UGT8: variants seen among roughly 807,000 people sequenced by gnomAD.
UGT8 encodes 2-hydroxyacylsphingosine 1-beta-galactosyltransferase.
A neutral mutation model predicts 40.5 loss-of-function variants in UGT8; 12 were observed. The observed-to-expected ratio is 0.30, with a 90% confidence interval of 0.19 to 0.48. The LOEUF (loss-of-function observed/expected upper bound fraction) is 0.48. Ranked by LOEUF, UGT8 falls within the 20% of genes least tolerant of loss-of-function variation. The pLI, the probability that UGT8 is intolerant of heterozygous loss-of-function variation, is 0.99. For missense variants in UGT8, 513 were observed against 648.7 expected (o/e 0.79, Z 2.27); for synonymous variants, 224 against 240.4 (o/e 0.93, Z 0.63).
intron 2 of UGT8, among the ~76,000 whole-genome samples, chr4:114,640,024 T>G (rs551539464): frequency 1.0e-5 from 1 of 96,600 alleles, no homozygotes; most frequent in South Asian, 4.9e-4. Context: ...TGTAAAAATA[T>G]GTTTGTTTGT....
chr4:114,670,715 A>G (rs1735210849), intron 5 of UGT8, among the ~76,000 whole-genome samples: 1 of 152,172 alleles, frequency 6.6e-6, no homozygotes, highest in African/African-American at 2.4e-5. Flanking sequence ...ATCATACTGA[A>G]TGGGCAAAGG....
Position 114,646,039 on chromosome 4 carries a change from TAAG to T in UGT8, c.823-17952_823-17950del, listed in dbSNP as rs545742258. 5.9e-5 allele frequency among the ~76,000 whole-genome samples: 9 copies of T among 152,268 alleles called. No individual in the cohort carries two copies. In the South Asian group the frequency reaches 1.2e-3, roughly 21 times the overall value. On this transcript the variant is annotated intron_variant, in intron 2 of 5. Coordinates refer to ENST00000310836, the MANE Select transcript of UGT8 (RefSeq NM_001128174.3). ...TTTCCATATTATGTAGTATATGTAA[TAAG>T]AAGTATTGCAGAGTATCTATTTATT...
At chr4:114,612,734 T>G (rs774816909) in intron 1 of UGT8, among the ~76,000 whole-genome samples, 5 of 152,166 alleles carry the variant, frequency 3.3e-5, no homozygotes, top group Non-Finnish European at 7.4e-5. Flanking sequence ...CAAGCACCAG[T>G]AGTCCCATAT....
chr4:114,622,017 A>G (rs1011995168), intron 1 of UGT8, among the ~76,000 whole-genome samples: 1 of 152,084 alleles, frequency 6.6e-6, no homozygotes, highest in East Asian at 1.9e-4. Flanking sequence ...GGTTAGTTAC[A>G]TATGTATACA....
chr4:114,650,546 T>C (rs1207324137), intron 2 of UGT8, among the ~76,000 whole-genome samples: 1 of 152,202 alleles, frequency 6.6e-6, no homozygotes, highest in African/African-American at 2.4e-5. Flanking sequence ...TTGTCAATTT[T>C]TATTTAAAGT....
chr4:114,625,376 T>C (rs1382674041), intron 2 of UGT8, among the ~76,000 whole-genome samples: 1 of 151,736 alleles, frequency 6.6e-6, no homozygotes, highest in Non-Finnish European at 1.5e-5. Context: ...CTGGGTATGG[T>C]GATGCATGTC....
At chr4:114,598,798 T>G (rs1438357521), upstream of UGT8, 2 of 152,122 alleles carry the variant, frequency 1.3e-5, no homozygotes, top group Non-Finnish European at 2.9e-5. Context: ...TGCTATCAAC[T>G]GTGAACCCAG....
chr4:114,622,157 A>G (rs1452392394), intron 1 of UGT8, among the ~76,000 whole-genome samples: 1 of 128,938 alleles, frequency 7.8e-6, no homozygotes, highest in East Asian at 2.4e-4. Context: ...TCCTGTGTCC[A>G]TGTGTTCCCA....
intron 2 of UGT8, among the ~76,000 whole-genome samples, chr4:114,649,303 A>T (rs1466885118): frequency 6.6e-6 from 1 of 152,166 alleles, no homozygotes; most frequent in African/African-American, 2.4e-5. Context: ...GCCTAGCCAT[A>T]TTTACAGTCA....
At chr4:114,618,031 A>G (rs1731548388) in intron 1 of UGT8, among the ~76,000 whole-genome samples, 1 of 152,182 alleles carries the variant, frequency 6.6e-6, no homozygotes, top group African/African-American at 2.4e-5. Context: ...TATCATTATA[A>G]TCACTTTATA....
intron 2 of UGT8, among the ~76,000 whole-genome samples, chr4:114,628,733 A>G (rs1732395979): frequency 7.4e-6 from 1 of 134,976 alleles, no homozygotes; most frequent in Non-Finnish European, 1.6e-5. Context: ...TTAAGGAAGC[A>G]TAGTCTTGGG....
At chr4:114,674,801 G>A (rs1419542186) in intron 5 of UGT8, among the ~76,000 whole-genome samples, 4 of 152,122 alleles carry the variant, frequency 2.6e-5, no homozygotes, top group Admixed American at 6.5e-5. Flanking sequence ...TATCCTCCAT[G>A]ATAGATTTTG....
intron 2 of UGT8, among the ~76,000 whole-genome samples, chr4:114,649,141 C>T (rs925814168): frequency 2.6e-5 from 4 of 152,106 alleles, no homozygotes; most frequent in Non-Finnish European, 5.9e-5. Context: ...CCCTAGGGTA[C>T]TAGAGGTTGC....
intron 2 of UGT8, among the ~76,000 whole-genome samples, chr4:114,630,787 G>T (rs938154970): frequency 6.6e-6 from 1 of 152,176 alleles, no homozygotes; most frequent in Non-Finnish European, 1.5e-5. Context: ...GTAGAAAGAA[G>T]AATTAAGGGA....
At chr4:114,670,123 T>C (rs1413747019) in intron 5 of UGT8, among the ~76,000 whole-genome samples, 1 of 152,020 alleles carries the variant, frequency 6.6e-6, no homozygotes, top group Non-Finnish European at 1.5e-5. Flanking sequence ...AAAAGAAAAC[T>C]TCAGGCCAAT....
In UGT8 at chr4:114,676,552, G is replaced by C. The variant is rs1735658772; in HGVS notation, c.*264G>C. 15 of 337,764 alleles carry C rather than the reference G, an allele frequency of 4.4e-5. No individual in the cohort carries two copies. In the South Asian group the frequency reaches 7.5e-4, roughly 17 times the overall value. 20.9% of individuals were successfully genotyped at this position (337,764 alleles called of 1,614,324 possible). On this transcript the variant is annotated 3_prime_UTR_variant, in exon 6 of 6. Transcript: ENST00000310836. ...CCTTAATTATTTAAATCAATTCAGT[G>C]ACTGTGTCAGACCTTAGTTTTAAAT...
chr4:114,616,203 G>A (rs1731417961), intron 1 of UGT8, among the ~76,000 whole-genome samples: 1 of 152,208 alleles, frequency 6.6e-6, no homozygotes, highest in East Asian at 1.9e-4. Context: ...CAGAGGTGGA[G>A]TCTACAGAGG....
intron 1 of UGT8, among the ~76,000 whole-genome samples, chr4:114,612,483 G>A (rs1032964190): frequency 2.6e-4 from 39 of 152,092 alleles, no homozygotes; most frequent in East Asian, 9.6e-4. Context: ...ATAGCCATAC[G>A]TTCAAAGATT....
At chr4:114,638,457 C>A (rs558058601) in intron 2 of UGT8, among the ~76,000 whole-genome samples, 1 of 152,304 alleles carries the variant, frequency 6.6e-6, no homozygotes, top group African/African-American at 2.4e-5. Flanking sequence ...TCAAGACCCT[C>A]TGGAGAGCCC....
Sources: gnomAD v4.1 joint callset for allele counts (sites outside exome capture counted in the v4.1 genomes callset) on GRCh38, gnomAD v4.1.1 for gene constraint, MANE v1.5 for transcripts, NCBI Gene and HGNC (gene_info 2026-07-23, HGNC 2026-07-21) for gene names.